The following IGSF11 variants were observed in gnomAD, a reference collection of about 807,000 sequenced individuals.
The protein encoded by IGSF11 is immunoglobulin superfamily member 11.
IGSF11 carries 22 observed loss-of-function variants against 41.0 expected under a neutral mutation model. The observed-to-expected ratio is 0.54, with a 90% CI of 0.38 to 0.77. The LOEUF is 0.77. Among genes scored for constraint, IGSF11 ranks in the 30% least tolerant of loss-of-function variants. The probability of loss-of-function intolerance (pLI) is 0.00; values close to 1 mark genes in which losing one functional copy is unlikely to be tolerated. For synonymous variants in IGSF11, 219 were observed against 201.3 expected (o/e 1.09, Z -0.74); for missense variants, 444 against 530.8 (o/e 0.84, Z 1.61).
At chr3:119,074,474 A>T (rs2076458426) in intron 1 of IGSF11, among the ~76,000 whole-genome samples, 1 of 152,000 alleles carries the variant, frequency 6.6e-6, no homozygotes, top group Admixed American at 6.6e-5. Context: ...ATGACAGTAC[A>T]GATACAACAT....
At chr3:119,073,901 A>G (rs759242744) in intron 1 of IGSF11, among the ~76,000 whole-genome samples, 157 of 152,370 alleles carry the variant, frequency 1.0e-3, no homozygotes, top group Non-Finnish European at 1.8e-3. Flanking sequence ...GTGGGCACCA[A>G]GGCCAAGGAG....
chr3:118,993,183 G>A lies in IGSF11; in HGVS notation c.52+41348C>T, dbSNP rs1201735956. 3.9e-5 allele frequency among the ~76,000 whole-genome samples: 6 copies of A among 152,176 alleles called. No individual in the cohort carries two copies. The East Asian group carries it at 5.8e-4, about 15-fold the overall frequency. ...TTCAAGGATGCAGTGAGCTTTGATGGTGCCACTGCACTCCAGCCTGGGCAA... is the reference window on the plus strand; with the variant it reads ...TTCAAGGATGCAGTGAGCTTTGATGATGCCACTGCACTCCAGCCTGGGCAA... On this transcript the variant is annotated intron_variant, in intron 1 of 6. Transcript: ENST00000393775.
intron 1 of IGSF11, among the ~76,000 whole-genome samples, chr3:119,025,762 T>C (rs141544212): frequency 3.2e-4 from 48 of 152,182 alleles, no homozygotes; most frequent in Admixed American, 1.3e-3. Context: ...ATCCAAACAA[T>C]TGCACTTTGG....
chr3:119,029,726 C>G (rs1405211811), intron 1 of IGSF11, among the ~76,000 whole-genome samples: 1 of 152,190 alleles, frequency 6.6e-6, no homozygotes, highest in African/African-American at 2.4e-5. Flanking sequence ...AATTAGGACA[C>G]TGTTCTGTTT....
At position 119,113,121 on chromosome 3, in the gene IGSF11, T is replaced by C. The variant is rs1045862720; in HGVS notation, c.-13-7916A>G. Among the ~76,000 whole-genome samples the C allele has an allele frequency of 3.9e-5, 6 of 152,310 alleles. No homozygotes were observed. In the East Asian group the frequency reaches 9.7e-4, roughly 25 times the overall value. On this transcript the variant is annotated intron_variant, in intron 1 of 7. Coordinates refer to the IGSF11 transcript ENST00000425327. ...CAATTACATCCCACCAGGCACCTCC[T>C]CTAACACTGGGGATTATAATTTGAC...
intron 1 of IGSF11, among the ~76,000 whole-genome samples, chr3:118,944,457 TACACACACACACACACAC>T (rs3079206): frequency 6.8e-4 from 85 of 125,814 alleles, no homozygotes; most frequent in Middle Eastern, 4.0e-3. Flanking sequence ...TAGCTTGAAA[TACACACACACACACACAC>T]ACACACACAC....
intron 1 of IGSF11, among the ~76,000 whole-genome samples, chr3:119,122,720 G>C (rs935874807): frequency 1.3e-5 from 2 of 152,208 alleles, no homozygotes; most frequent in African/African-American, 4.8e-5. Flanking sequence ...GCACTGGGCA[G>C]TCATGAGGCC....
At chr3:118,998,382 A>C (rs1234273496) in intron 1 of IGSF11, among the ~76,000 whole-genome samples, 2 of 152,044 alleles carry the variant, frequency 1.3e-5, no homozygotes, top group East Asian at 3.8e-4. Flanking sequence ...TGAAACTTCA[A>C]CTCAAGATGA....
chr3:119,106,789 C>T (rs1337061649), upstream of IGSF11, among the ~76,000 whole-genome samples: 1 of 152,034 alleles, frequency 6.6e-6, no homozygotes, highest in African/African-American at 2.4e-5. Context: ...TTCCTGTGTC[C>T]ATGTGTTCTC....
intron 2 of IGSF11, among the ~76,000 whole-genome samples, 174 bp downstream of exon 2, chr3:118,929,938 T>C (rs945918481): frequency 9.9e-5 from 15 of 152,188 alleles, no homozygotes; most frequent in Admixed American, 7.9e-4. Flanking sequence ...AAAAAGAGGA[T>C]AGCCTCTTCT....
intron 1 of IGSF11, among the ~76,000 whole-genome samples, chr3:118,987,369 G>GAC (rs1935361518): frequency 6.6e-6 from 1 of 152,168 alleles, no homozygotes. Flanking sequence ...TAGGTTTAGG[G>GAC]ACACTGGGAA....
At chr3:118,980,379 G>T (rs1934589554) in intron 1 of IGSF11, among the ~76,000 whole-genome samples, 1 of 152,236 alleles carries the variant, frequency 6.6e-6, no homozygotes, top group South Asian at 2.1e-4. Flanking sequence ...TCACAACACA[G>T]ATGGAACTGT....
At chr3:118,912,257 C>T (rs1940421254) in intron 4 of IGSF11, among the ~76,000 whole-genome samples, 2 of 152,102 alleles carry the variant, frequency 1.3e-5, no homozygotes, top group South Asian at 2.1e-4. Flanking sequence ...TATCCCTCAG[C>T]TTTCCTTTCT....
chr3:119,131,094 G>C (rs1458623925), intron 1 of IGSF11, among the ~76,000 whole-genome samples: 1 of 152,196 alleles, frequency 6.6e-6, no homozygotes, highest in African/African-American at 2.4e-5. Flanking sequence ...AAGATGGAGA[G>C]AAATCAGAGC....
At chr3:119,047,905 C>T (rs1941435905) in intron 1 of IGSF11, among the ~76,000 whole-genome samples, 2 of 152,082 alleles carry the variant, frequency 1.3e-5, no homozygotes, top group African/African-American at 4.8e-5. Context: ...CTACTGCGTA[C>T]ATAACGAAAT....
At chr3:119,133,935 G>A (rs1046120544) in intron 1 of IGSF11, among the ~76,000 whole-genome samples, 11 of 152,100 alleles carry the variant, frequency 7.2e-5, no homozygotes, top group South Asian at 2.1e-4. Context: ...ATCAATAAAC[G>A]TAATCCATCA....
upstream of IGSF11, among the ~76,000 whole-genome samples, chr3:119,038,610 G>T (rs1298743830): frequency 1.3e-5 from 2 of 152,042 alleles, no homozygotes; most frequent in Admixed American, 1.3e-4. Context: ...ATACCACTAG[G>T]TTTTTTTAGG....
At chr3:119,107,288 T>C (rs1014417238), upstream of IGSF11, among the ~76,000 whole-genome samples, 9 of 152,228 alleles carry the variant, frequency 5.9e-5, no homozygotes, top group African/African-American at 2.2e-4. Context: ...TTCTAACTGG[T>C]GTGAGATGGT....
intron 1 of IGSF11, among the ~76,000 whole-genome samples, chr3:118,939,309 C>T (rs1943505247): frequency 6.6e-6 from 1 of 151,862 alleles, no homozygotes; most frequent in Admixed American, 6.6e-5. Context: ...GGTGTGGTGG[C>T]TCAAGCCTGT....
Sources: gnomAD v4.1 joint callset for allele counts (sites outside exome capture counted in the v4.1 genomes callset) on GRCh38, gnomAD v4.1.1 for gene constraint, MANE v1.5 for transcripts, NCBI Gene and HGNC (gene_info 2026-07-23, HGNC 2026-07-21) for gene names.